Variants in DCAF10 observed in about 807,000 individuals in gnomAD.
DCAF10 encodes the protein DDB1 and CUL4 associated factor 10, also known as DDB1- and CUL4-associated factor 10.
A neutral mutation model predicts 51.9 loss-of-function variants in DCAF10; 19 were observed. The observed-to-expected ratio is 0.37, with a 90% CI of 0.26 to 0.54. DCAF10 has a LOEUF of 0.54. DCAF10 is among the 20% of genes least tolerant of loss of function. The probability of loss-of-function intolerance (pLI) is 0.87; values close to 1 mark genes in which losing one functional copy is unlikely to be tolerated. For synonymous variants in DCAF10, 291 were observed against 297.1 expected (o/e 0.98, Z 0.21); for missense variants, 510 against 730.6 (o/e 0.70, Z 3.48).
At chr9:37,821,061 C>T (rs1829685896) in intron 2 of DCAF10, among the ~76,000 whole-genome samples, 1 of 151,266 alleles carries the variant, frequency 6.6e-6, no homozygotes, top group African/African-American at 2.4e-5. Context: ...TCTTGCTATC[C>T]TTTCTAAGAT....
chr9:37,810,637 T>A (rs978373179), intron 1 of DCAF10, among the ~76,000 whole-genome samples: 11 of 152,122 alleles, frequency 7.2e-5, no homozygotes, highest in Admixed American at 6.5e-4. Context: ...AATTTTTGTA[T>A]TTTTAGTAGA....
At chr9:37,826,164 T>C (rs1014999838) in intron 2 of DCAF10, among the ~76,000 whole-genome samples, 2 of 150,906 alleles carry the variant, frequency 1.3e-5, no homozygotes, top group South Asian at 4.2e-4. Context: ...GACAAGGGAT[T>C]AATGCCCAGA....
rs1249538824 is a variant in DCAF10, at chr9:37,865,230, A to G, written c.*3722A>G. 6.6e-6 allele frequency: 1 copy of G among 152,138 alleles called. No individual in the cohort carries two copies. Among genetic ancestry groups the G allele is most frequent in the Non-Finnish European group, 1.5e-5 (1 of 68,024 alleles). The allele number at this position is 152,138 out of a possible 1,614,324, so 9.4% of individuals were successfully genotyped here. On this transcript the variant is annotated 3_prime_UTR_variant, in exon 7 of 7. Coordinates refer to ENST00000377724, the MANE Select transcript of DCAF10 (RefSeq NM_024345.5). The stretch of plus-strand genomic sequence containing the variant: ...TTCAAGCAGAATAAGCAGCTATAAA[A>G]TAGAAAAGAAAAATTAAGGATAAAC...
Position 37,842,124 on chromosome 9 carries a change from A to G in DCAF10, c.689A>G (p.Asp230Gly). 1 of 1,613,698 alleles carries G rather than the reference A, an allele frequency of 6.2e-7. No individual in the cohort carries two copies. The highest frequency in any genetic ancestry group is 1.3e-5 in the African/African-American group (1 of 75,014). The part of the protein sequence containing the change: ...LDNRLFATCS[D>G]DTTIALWDLR... ...AACCGGCTGTTTGCTACCTGCTCTG[A>G]TGACACTACAATAGCACTATGGGAT... Residue 230 changes from aspartate (D) to glycine (G), a missense_variant, in exon 3 of 7, where the codon GAT becomes GGT. Around this residue, in one of 4 missense-constraint regions of DCAF10, gnomAD observed 126 missense variants for 271.5 expected, o/e 0.46. Coordinates refer to ENST00000377724, the MANE Select transcript of DCAF10 (RefSeq NM_024345.5).
intron 3 of DCAF10, among the ~76,000 whole-genome samples, chr9:37,851,041 C>T (rs897840538): frequency 8.7e-5 from 13 of 149,960 alleles, no homozygotes; most frequent in South Asian, 8.5e-4. Context: ...ATCAGGAGTT[C>T]GAGACCAGCC....
intron 4 of DCAF10, among the ~76,000 whole-genome samples, chr9:37,856,918 C>T (rs1047346975): frequency 2.0e-5 from 3 of 152,130 alleles, no homozygotes; most frequent in Non-Finnish European, 4.4e-5. Context: ...AAACAATAGG[C>T]TTAAGAGCTT....
chr9:37,814,110 A>G (rs866958192), intron 1 of DCAF10, among the ~76,000 whole-genome samples: 23 of 89,044 alleles, frequency 2.6e-4, no homozygotes, highest in African/African-American at 9.1e-4. Flanking sequence ...ATATATATAT[A>G]TATATATATA....
chr9:37,834,673 T>C (rs1468473133), intron 2 of DCAF10, among the ~76,000 whole-genome samples: 1 of 152,208 alleles, frequency 6.6e-6, no homozygotes, highest in Admixed American at 6.5e-5. Context: ...CCGAATAAAA[T>C]ATCTTTGTTA....
At chr9:37,849,841 C>G (rs1830582314) in intron 3 of DCAF10, among the ~76,000 whole-genome samples, 2 of 152,114 alleles carry the variant, frequency 1.3e-5, no homozygotes, top group Non-Finnish European at 2.9e-5. Flanking sequence ...GATCGCACCA[C>G]TGCATTCCAG....
chr9:37,808,428 T>A (rs1376152997), intron 1 of DCAF10, among the ~76,000 whole-genome samples: 1 of 136,910 alleles, frequency 7.3e-6, no homozygotes, highest in African/African-American at 2.7e-5. Context: ...TCAAGAAAAA[T>A]ATATATATTA....
chr9:37,804,444 G>A (rs896035500), intron 1 of DCAF10, among the ~76,000 whole-genome samples: 3 of 152,084 alleles, frequency 2.0e-5, no homozygotes, highest in African/African-American at 7.2e-5. Flanking sequence ...ACATATTGTA[G>A]TGAAACTGTG....
At chr9:37,826,477 T>C (rs1311745898) in intron 2 of DCAF10, among the ~76,000 whole-genome samples, 1 of 152,200 alleles carries the variant, frequency 6.6e-6, no homozygotes, top group Non-Finnish European at 1.5e-5. Context: ...GGGCTACTAA[T>C]GCTATGACCC....
chr9:37,849,985 G>T (rs1444874705), intron 3 of DCAF10, among the ~76,000 whole-genome samples: 1 of 152,172 alleles, frequency 6.6e-6, no homozygotes, highest in African/African-American at 2.4e-5. Flanking sequence ...CTTGAGCCCA[G>T]GAGTTCAAGG....
At chr9:37,803,989 A>G (rs560796803) in intron 1 of DCAF10, among the ~76,000 whole-genome samples, 1 of 152,050 alleles carries the variant, frequency 6.6e-6, no homozygotes, top group African/African-American at 2.4e-5. Context: ...TAAGTGTATC[A>G]CCTTCTAAAA....
chr9:37,860,633 ACT>A (rs915270619), intron 6 of DCAF10, among the ~76,000 whole-genome samples: 3 of 152,158 alleles, frequency 2.0e-5, no homozygotes, highest in African/African-American at 7.2e-5. Flanking sequence ...ACCAGGGGAA[ACT>A]CTGGGAAAGG....
chr9:37,839,987 G>A (rs975549197), intron 2 of DCAF10, among the ~76,000 whole-genome samples: 1 of 152,166 alleles, frequency 6.6e-6, no homozygotes. Context: ...CAGTAAAGTT[G>A]TTCCTTACAG....
intron 1 of DCAF10, among the ~76,000 whole-genome samples, chr9:37,812,382 A>T (rs1467097437): frequency 2.0e-5 from 3 of 152,214 alleles, no homozygotes; most frequent in Non-Finnish European, 4.4e-5. Flanking sequence ...TCTTAAAAGC[A>T]GCTAGAGGAA....
intron 4 of DCAF10, among the ~76,000 whole-genome samples, chr9:37,856,445 C>T (rs564543775): frequency 6.6e-6 from 1 of 150,542 alleles, no homozygotes; most frequent in South Asian, 2.1e-4. Flanking sequence ...AACTCAAAAA[C>T]CAACAAGGTT....
chr9:37,809,747 C>T (rs1212585207), intron 1 of DCAF10, among the ~76,000 whole-genome samples: 5 of 152,158 alleles, frequency 3.3e-5, no homozygotes, highest in African/African-American at 9.7e-5. Context: ...GCAGGAGAAT[C>T]GCTTGAACCC....
Sources: gnomAD v4.1 joint callset for allele counts (sites outside exome capture counted in the v4.1 genomes callset) on GRCh38, gnomAD v4.1.1 for gene constraint, gnomAD v4.1.1 regional missense constraint, MANE v1.5 for transcripts, NCBI Gene and HGNC (gene_info 2026-07-23, HGNC 2026-07-21) for gene names.